Variants in PPIP5K1 observed in about 807,000 individuals in gnomAD.
The protein encoded by PPIP5K1 is diphosphoinositol pentakisphosphate kinase 1, also known as inositol hexakisphosphate and diphosphoinositol-pentakisphosphate kinase 1.
Under a neutral mutation model 27.7 loss-of-function variants are expected in PPIP5K1, and 6 were observed. The observed-to-expected ratio is 0.22, with a 90% CI of 0.12 to 0.43. PPIP5K1 has a LOEUF of 0.43. PPIP5K1 is among the 20% of genes least tolerant of loss of function. The pLI, the probability that PPIP5K1 is intolerant of heterozygous loss-of-function variation, is 1.00. For synonymous variants in PPIP5K1, 145 were observed against 242.6 expected (o/e 0.60, Z 3.74); for missense variants, 394 against 635.4 (o/e 0.62, Z 4.08).
intron 31 of PPIP5K1, among the ~76,000 whole-genome samples, chr15:43,538,542 T>G (rs1351448964): frequency 6.6e-6 from 1 of 152,200 alleles, no homozygotes; most frequent in Admixed American, 6.5e-5. Context: ...TTTGCTTGTT[T>G]TTGAGACGGA....
chr15:43,539,636 A>T, intron 30 of PPIP5K1, 53 bp from the exon 31 acceptor site: 1 of 1,139,720 alleles, frequency 8.8e-7, no homozygotes, highest in East Asian at 2.5e-5. Flanking sequence ...CATATGAGGA[A>T]GAATCCAGGA....
At chr15:43,551,983 T>TG in intron 30 of PPIP5K1, among the ~76,000 whole-genome samples, 1 of 151,772 alleles carries the variant, frequency 6.6e-6, no homozygotes. Context: ...TCAGATTTTT[T>TG]TTTTTTTTGA....
chr15:43,549,027 C>CAA lies in PPIP5K1; in HGVS notation c.3557-9446_3557-9445dup, dbSNP rs1160828750. 7.5e-3 allele frequency among the ~76,000 whole-genome samples: 214 copies of CAA among 28,578 alleles called. 11 individuals carry two copies. Among genetic ancestry groups the CAA allele is most frequent in the Non-Finnish European group, 0.011 (172 of 16,242 alleles). 18.7% of individuals were successfully genotyped at this position (28,578 alleles called of 152,430 possible). On this transcript the variant is annotated intron_variant, in intron 30 of 31. Transcript: ENST00000420765. ...TGGGTGACAGAGTGAGACTCCATCT[C>CAA]AAAAAAAAAAAAAAAAAAAAAAAAA...
chr15:43,555,344 C>T (rs1400719847), intron 30 of PPIP5K1, among the ~76,000 whole-genome samples: 2 of 151,770 alleles, frequency 1.3e-5, no homozygotes, highest in African/African-American at 2.4e-5. Context: ...GGCACAATCT[C>T]GGCTCACTGC....
intron 30 of PPIP5K1, among the ~76,000 whole-genome samples, chr15:43,556,274 C>T (rs2082932993): frequency 6.6e-6 from 1 of 151,996 alleles, no homozygotes; most frequent in East Asian, 1.9e-4. Flanking sequence ...TAGCCAAAAT[C>T]GTGCCACTGC....
chr15:43,546,654 ATTTTTTT>A (rs58966502), intron 30 of PPIP5K1, among the ~76,000 whole-genome samples: 7 of 106,548 alleles, frequency 6.6e-5, no homozygotes, highest in Non-Finnish European at 1.0e-4. Context: ...CCTGTTTTCA[ATTTTTTT>A]TTTTTTTTTT....
intron 30 of PPIP5K1, among the ~76,000 whole-genome samples, chr15:43,551,606 G>GTGTTTTTTTTTT (rs2082200751): frequency 1.9e-5 from 2 of 105,462 alleles, no homozygotes; most frequent in East Asian, 2.8e-4. Context: ...TCTTGATTCA[G>GTGTTTTTTTTTT]TTTTTTTTTT....
intron 30 of PPIP5K1, among the ~76,000 whole-genome samples, chr15:43,550,450 T>A (rs570867531): frequency 6.6e-6 from 1 of 152,296 alleles, no homozygotes; most frequent in Admixed American, 6.5e-5. Context: ...CCAGTCTGAG[T>A]TCATCCTGTA....
chr15:43,553,646 GTT>G (rs564313930), intron 30 of PPIP5K1, among the ~76,000 whole-genome samples: 5 of 131,348 alleles, frequency 3.8e-5, no homozygotes, highest in Non-Finnish European at 3.3e-5. Flanking sequence ...TTTTCTGTGT[GTT>G]TTTTTTTTTT....
chr15:43,549,109 C>T (rs1393158204), intron 30 of PPIP5K1, among the ~76,000 whole-genome samples: 2 of 131,916 alleles, frequency 1.5e-5, no homozygotes, highest in African/African-American at 5.8e-5. Context: ...GAGACAGGGC[C>T]TTATGTTGCC....
At chr15:43,548,896 C>A (rs535157577) in intron 30 of PPIP5K1, among the ~76,000 whole-genome samples, 7 of 150,652 alleles carry the variant, frequency 4.6e-5, no homozygotes, top group African/African-American at 1.7e-4. Context: ...GGCATGATGG[C>A]AAGCACCTGT....
At chr15:43,557,621 CTCT>C (rs2083157621) in intron 30 of PPIP5K1, among the ~76,000 whole-genome samples, 3 of 151,930 alleles carry the variant, frequency 2.0e-5, no homozygotes, top group Non-Finnish European at 4.4e-5. Context: ...TTGCTCACTG[CTCT>C]TCTTTTCAGG....
rs866536899 is a variant in PPIP5K1, at chr15:43,579,336, G to A, written c.1062-216C>T. Among the ~76,000 whole-genome samples the A allele has an allele frequency of 1.4e-4, 13 of 91,122 alleles. 1 individual carries two copies. The Middle Eastern group carries it at 0.027, about 188-fold the overall frequency. 59.8% of individuals were successfully genotyped at this position (91,122 alleles called of 152,430 possible). A position where few individuals can be genotyped will look rare whatever the true frequency, so the allele number is the denominator to read the frequency against. ...ATGGATTGTGGTTCCCTCTGGGGAT[G>A]GGGAGGGGATGTTACTAGGGAGGAG... On this transcript the variant is annotated intron_variant, in intron 10 of 31. Transcript: ENST00000420765.
chr15:43,554,659 A>ACG (rs2082689093), intron 30 of PPIP5K1, among the ~76,000 whole-genome samples: 1 of 151,514 alleles, frequency 6.6e-6, no homozygotes, highest in Non-Finnish European at 1.5e-5. Flanking sequence ...ACACACACAC[A>ACG]CGCAGGCACG....
intron 30 of PPIP5K1, among the ~76,000 whole-genome samples, chr15:43,549,039 A>AT (rs2081788012): frequency 1.1e-5 from 1 of 87,486 alleles, no homozygotes; most frequent in African/African-American, 8.3e-5. Context: ...AAAAAAAAAA[A>AT]AAAAAAAAAA....
intron 30 of PPIP5K1, among the ~76,000 whole-genome samples, chr15:43,550,197 G>A (rs899302673): frequency 6.6e-6 from 1 of 151,672 alleles, no homozygotes; most frequent in African/African-American, 2.4e-5. Context: ...GTACAGTGAT[G>A]CGATCACCAG....
In PPIP5K1 at chr15:43,557,657, T is replaced by TTC. The variant is rs746074120; in HGVS notation, c.3556+1136_3556+1137dup. ...AGGGTTTTTTCTCTCTCTCTTCTCT[T>TTC]TCTCTCTCTCTCTCTCTCTCTTTTG... On this transcript the variant is annotated intron_variant, in intron 30 of 31. Transcript: ENST00000420765. Among the ~76,000 whole-genome samples the TTC allele has an allele frequency of 4.4e-3, 660 of 149,198 alleles. 3 individuals are homozygous for TTC. The highest frequency in any genetic ancestry group is 0.013 in the African/African-American group (536 of 40,816).
At chr15:43,553,019 G>A (rs941366873) in intron 30 of PPIP5K1, among the ~76,000 whole-genome samples, 1 of 152,200 alleles carries the variant, frequency 6.6e-6, no homozygotes, top group Non-Finnish European at 1.5e-5. Flanking sequence ...CTGGACGACA[G>A]AGTGAGAATC....
At chr15:43,537,712 G>A (rs1371457186) in intron 31 of PPIP5K1, among the ~76,000 whole-genome samples, 12 of 133,382 alleles carry the variant, frequency 9.0e-5, no homozygotes, top group African/African-American at 3.4e-4. Flanking sequence ...AAAAAAGAGA[G>A]AGAGAGAGAG....
Sources: gnomAD v4.1 joint callset for allele counts (sites outside exome capture counted in the v4.1 genomes callset) on GRCh38, gnomAD v4.1.1 for gene constraint, MANE v1.5 for transcripts, NCBI Gene and HGNC (gene_info 2026-07-23, HGNC 2026-07-21) for gene names.